PTPRR: variants seen among roughly 807,000 people sequenced by gnomAD.
The protein encoded by PTPRR is protein tyrosine phosphatase receptor type R.
A neutral mutation model predicts 77.2 loss-of-function variants in PTPRR; 38 were observed. That is an observed-to-expected ratio of 0.49 (90% confidence interval 0.38 to 0.65). The LOEUF is 0.65. Among genes scored for constraint, PTPRR ranks in the 30% least tolerant of loss-of-function variants. The pLI is 0.00. For synonymous variants in PTPRR, 299 were observed against 283.1 expected, an observed-to-expected ratio of 1.06 and a Z score of -0.57; for missense variants, 744 against 799.2, an observed-to-expected ratio of 0.93 and a Z score of 0.83.
chr12:70,659,605 G>T (rs1244461561), intron 12 of PTPRR, among the ~76,000 whole-genome samples: 1 of 152,056 alleles, frequency 6.6e-6, no homozygotes, highest in East Asian at 1.9e-4. Flanking sequence ...CTTTGGGTGG[G>T]GGACAGTTCC....
intron 6 of PTPRR, among the ~76,000 whole-genome samples, chr12:70,721,264 G>A (rs934644319): frequency 3.3e-5 from 5 of 152,186 alleles, no homozygotes; most frequent in African/African-American, 1.2e-4. Context: ...GTTTTGATTA[G>A]AGTCTGAGTC....
intron 2 of PTPRR, among the ~76,000 whole-genome samples, chr12:70,890,674 A>G (rs562187360): frequency 4.6e-5 from 7 of 152,274 alleles, no homozygotes; most frequent in African/African-American, 1.7e-4. Flanking sequence ...TTGAGTATAA[A>G]TTAAGTCTCA....
At chr12:70,793,023 C>T (rs1891448848) in intron 2 of PTPRR, among the ~76,000 whole-genome samples, 1 of 152,122 alleles carries the variant, frequency 6.6e-6, no homozygotes, top group African/African-American at 2.4e-5. Context: ...AAGAGATCAG[C>T]AGTTTACCAA....
At chr12:70,848,889 TTAAA>T (rs1487614360) in intron 2 of PTPRR, among the ~76,000 whole-genome samples, 1 of 152,224 alleles carries the variant, frequency 6.6e-6, no homozygotes, top group Non-Finnish European at 1.5e-5. Context: ...AATTAACATA[TTAAA>T]TAACCTCTGT....
intron 1 of PTPRR, among the ~76,000 whole-genome samples, chr12:70,901,208 A>T (rs989186314): frequency 5.3e-5 from 8 of 151,536 alleles, no homozygotes; most frequent in African/African-American, 1.9e-4. Flanking sequence ...TTCCTCAAAA[A>T]ACTAAAAATA....
At chr12:70,808,119 G>A (rs977034138) in intron 2 of PTPRR, among the ~76,000 whole-genome samples, 12 of 152,034 alleles carry the variant, frequency 7.9e-5, no homozygotes, top group African/African-American at 2.9e-4. Context: ...GGGAGTGTCT[G>A]CTTTTATGCA....
chr12:70,640,707 TAAA>T lies in PTPRR; in HGVS notation c.1881-1433_1881-1431del, dbSNP rs201718178. ...TTCAGATTATTTAGGCACTTCAACT[TAAA>T]AACAAGATATCTTGTCTCACTGTAA... On this transcript the variant is annotated intron_variant, in intron 13 of 13. Coordinates refer to ENST00000283228, the MANE Select transcript of PTPRR (RefSeq NM_002849.4). Among the ~76,000 whole-genome samples the T allele has an allele frequency of 6.8e-4, 103 of 152,316 alleles. No homozygotes were observed. The East Asian group carries it at 0.02, about 29-fold the overall frequency.
chr12:70,751,932 T>A (rs939411334), intron 5 of PTPRR, among the ~76,000 whole-genome samples: 2 of 152,182 alleles, frequency 1.3e-5, no homozygotes, highest in African/African-American at 4.8e-5. Context: ...CATAATGTCA[T>A]GTATTCATCA....
At chr12:70,742,856 A>T (rs576045470) in intron 6 of PTPRR, among the ~76,000 whole-genome samples, 1 of 152,292 alleles carries the variant, frequency 6.6e-6, no homozygotes, top group South Asian at 2.1e-4. Flanking sequence ...AACACGGAGA[A>T]GCTGAGGATA....
At chr12:70,816,940 T>C (rs1413886488) in intron 2 of PTPRR, among the ~76,000 whole-genome samples, 1 of 152,170 alleles carries the variant, frequency 6.6e-6, no homozygotes, top group East Asian at 1.9e-4. Flanking sequence ...TCTAGGTTTA[T>C]TTCTATGAAT....
chr12:70,649,185 C>G (rs558914741), intron 13 of PTPRR, among the ~76,000 whole-genome samples: 6 of 152,180 alleles, frequency 3.9e-5, no homozygotes, highest in South Asian at 4.2e-4. Context: ...TTACAATGAC[C>G]AGGCATTGTA....
At chr12:70,828,077 T>G (rs1411387392) in intron 2 of PTPRR, among the ~76,000 whole-genome samples, 2 of 152,200 alleles carry the variant, frequency 1.3e-5, no homozygotes, top group Non-Finnish European at 2.9e-5. Context: ...TCTCATGACT[T>G]GATCACCTAC....
At position 70,892,559 on chromosome 12, in the gene PTPRR, T is replaced by G. The variant is rs1326252264; in HGVS notation, c.357+120A>C. On this transcript the variant is annotated intron_variant, in intron 2 of 13. Coordinates refer to ENST00000283228, the MANE Select transcript of PTPRR (RefSeq NM_002849.4). ...TAGAAGTACCACAGAATAAGTGCTGTGGTACATACCCGTTGGGATTCATTG... is the reference window on the plus strand; with the variant it reads ...TAGAAGTACCACAGAATAAGTGCTGGGGTACATACCCGTTGGGATTCATTG... 2.6e-6 allele frequency: 3 copies of G among 1,163,494 alleles called. No homozygotes were observed. In the African/African-American group the frequency reaches 4.6e-5, roughly 18 times the overall value. 72.1% of individuals were successfully genotyped at this position (1,163,494 alleles called of 1,614,324 possible).
At position 70,766,553 on chromosome 12, in the gene PTPRR, G is replaced by A. The variant is rs557781210; in HGVS notation, c.358-1775C>T. Among the ~76,000 whole-genome samples the A allele has an allele frequency of 2.2e-4, 33 of 152,088 alleles. No individual in the cohort carries two copies. In the South Asian group the frequency reaches 3.5e-3, roughly 16 times the overall value. On this transcript the variant is annotated intron_variant, in intron 2 of 13. Transcript: ENST00000283228. ...CTACGTCTGATTGGTGTACTTGAACGTGACGGGGAGAATGGAACCAAGTTG... is the reference window on the plus strand; with the variant it reads ...CTACGTCTGATTGGTGTACTTGAACATGACGGGGAGAATGGAACCAAGTTG...
At chr12:70,665,112 A>T (rs1467204287) in intron 10 of PTPRR, among the ~76,000 whole-genome samples, 2 of 152,210 alleles carry the variant, frequency 1.3e-5, no homozygotes, top group Admixed American at 1.3e-4. Flanking sequence ...TCAAAATAGC[A>T]TGCTATTTAG....
At chr12:70,663,829 C>G (rs1489293597) in intron 10 of PTPRR, among the ~76,000 whole-genome samples, 1 of 152,172 alleles carries the variant, frequency 6.6e-6, no homozygotes, top group Non-Finnish European at 1.5e-5. Context: ...TGCCTTCAAT[C>G]AGAACCTTTT....
chr12:70,698,650 T>C (rs956970444), intron 7 of PTPRR, among the ~76,000 whole-genome samples: 2 of 152,210 alleles, frequency 1.3e-5, no homozygotes, highest in African/African-American at 4.8e-5. Context: ...CTAGAAAGAT[T>C]AGACAGATGC....
At chr12:70,695,385 G>A (rs756251125) in intron 8 of PTPRR, among the ~76,000 whole-genome samples, 9 of 152,156 alleles carry the variant, frequency 5.9e-5, no homozygotes, top group Non-Finnish European at 1.3e-4. Context: ...CCAATAGTGT[G>A]GCTTTTCTAA....
intron 2 of PTPRR, 138 bp from the exon 3 acceptor site, chr12:70,764,916 C>T (rs1348612892): frequency 3.2e-6 from 2 of 629,838 alleles, no homozygotes; most frequent in South Asian, 2.0e-5. Flanking sequence ...TGTGACTCTG[C>T]TAAGTTTACA....
Sources: allele counts gnomAD v4.1 joint callset (sites outside exome capture counted in the v4.1 genomes callset), GRCh38; gene constraint gnomAD v4.1.1; transcripts MANE v1.5; gene names NCBI Gene and HGNC (gene_info 2026-07-23, HGNC 2026-07-21).